The following MLF1 variants were observed in gnomAD, a reference collection of about 807,000 sequenced individuals.
MLF1 encodes myelodysplasia-myeloid leukemia factor 1.
In MLF1, 37 loss-of-function variants were observed where a neutral mutation model predicts 38.3. That is an observed-to-expected ratio of 0.96 (90% confidence interval 0.74 to 1.27). The LOEUF (loss-of-function observed/expected upper bound fraction) is 1.27, where lower values mean the gene tolerates loss of function less well. MLF1 is among the 50% of genes most tolerant of loss of function. The pLI, the probability that MLF1 is intolerant of heterozygous loss-of-function variation, is 0.00. For synonymous variants in MLF1, 95 were observed against 106.5 expected (o/e 0.89, Z 0.66); for missense variants, 331 against 349.2 (o/e 0.95, Z 0.42).
At chr3:158,601,524 C>T (rs1322067238) in intron 6 of MLF1, among the ~76,000 whole-genome samples, 3 of 151,764 alleles carry the variant, frequency 2.0e-5, no homozygotes, top group Non-Finnish European at 4.4e-5. Context: ...GAGCCAAGAT[C>T]GAGCCCTTGC....
At chr3:158,602,758 A>G in intron 6 of MLF1, 49 bp from the exon 7 acceptor site, 1 of 1,581,612 alleles carries the variant, frequency 6.3e-7, no homozygotes, top group South Asian at 1.1e-5. Flanking sequence ...GCAGTTACTG[A>G]CAGTTGATAC....
intron 6 of MLF1, among the ~76,000 whole-genome samples, chr3:158,601,569 C>T (rs1265319765): frequency 6.8e-6 from 1 of 146,852 alleles, no homozygotes; most frequent in Admixed American, 6.8e-5. Context: ...GACTCTGTCT[C>T]AAAAAAATAA....
intron 1 of MLF1, among the ~76,000 whole-genome samples, chr3:158,578,505 AACACACAC>A (rs112630390): frequency 1.4e-5 from 2 of 147,380 alleles, no homozygotes; most frequent in South Asian, 2.2e-4. Flanking sequence ...CATACATACA[AACACACAC>A]ACACACACAC....
At chr3:158,573,898 A>G (rs552367530) in intron 1 of MLF1, among the ~76,000 whole-genome samples, 3 of 152,216 alleles carry the variant, frequency 2.0e-5, no homozygotes, top group South Asian at 2.1e-4. Flanking sequence ...TCTGCCTCCC[A>G]GGCTCAAGCG....
intron 3 of MLF1, among the ~76,000 whole-genome samples, chr3:158,593,640 A>T (rs1175284008): frequency 1.3e-5 from 2 of 152,208 alleles, no homozygotes; most frequent in African/African-American, 2.4e-5. Flanking sequence ...TATAAAATTC[A>T]TCTTCAAAAA....
chr3:158,596,493 T>C (rs549196818), intron 3 of MLF1, among the ~76,000 whole-genome samples: 1 of 152,184 alleles, frequency 6.6e-6, no homozygotes, highest in Non-Finnish European at 1.5e-5. Context: ...AGGAAAATTA[T>C]GAAAACTATC....
At chr3:158,595,390 T>G (rs1203995082) in intron 3 of MLF1, among the ~76,000 whole-genome samples, 2 of 152,176 alleles carry the variant, frequency 1.3e-5, no homozygotes, top group Non-Finnish European at 2.9e-5. Flanking sequence ...CACTCCAGTG[T>G]GTTGGGTCAC....
At chr3:158,601,648 T>G (rs1481896276) in intron 6 of MLF1, among the ~76,000 whole-genome samples, 1 of 151,712 alleles carries the variant, frequency 6.6e-6, no homozygotes, top group Non-Finnish European at 1.5e-5. Flanking sequence ...TCCCAGCTAC[T>G]TGGGAGGCTG....
intron 5 of MLF1, 124 bp downstream of exon 5, chr3:158,598,332 G>C: frequency 1.2e-6 from 1 of 842,510 alleles, no homozygotes; most frequent in Non-Finnish European, 1.7e-6. Context: ...AGGGAGGTGT[G>C]GGGGTTGGGG....
At chr3:158,589,768 A>G (rs1717853150) in intron 1 of MLF1, among the ~76,000 whole-genome samples, 1 of 152,336 alleles carries the variant, frequency 6.6e-6, no homozygotes, top group Middle Eastern at 3.4e-3. Flanking sequence ...TCCCTGGGCT[A>G]AAATCAAGGT....
intron 3 of MLF1, 36 bp from the exon 4 acceptor site, chr3:158,596,826 C>T (rs372253295): frequency 8.7e-6 from 12 of 1,378,794 alleles, no homozygotes; most frequent in Non-Finnish European, 1.2e-5. Flanking sequence ...TGTGTTGTTA[C>T]CTACAGTTAA....
chr3:158,581,508 A>T (rs1716356500), intron 1 of MLF1, among the ~76,000 whole-genome samples: 1 of 152,174 alleles, frequency 6.6e-6, no homozygotes, highest in South Asian at 2.1e-4. Flanking sequence ...CACACTGGTG[A>T]AGTTTACAAC....
chr3:158,599,890 T>G (rs1719483366), intron 5 of MLF1, 124 bp from the exon 6 acceptor site: 1 of 355,762 alleles, frequency 2.8e-6, no homozygotes, highest in African/African-American at 2.1e-5. Context: ...AAGTTAATAG[T>G]GGAACTGAGC....
intron 7 of MLF1, among the ~76,000 whole-genome samples, chr3:158,604,804 G>A (rs565698099): frequency 6.2e-4 from 95 of 152,036 alleles, no homozygotes; most frequent in Middle Eastern, 3.4e-3. Flanking sequence ...GACTACAGGC[G>A]CGCATCACCA....
intron 1 of MLF1, among the ~76,000 whole-genome samples, chr3:158,590,273 A>G (rs79542265): frequency 4.6e-5 from 7 of 152,186 alleles, no homozygotes; most frequent in Non-Finnish European, 7.3e-5. Context: ...TAAAACTACA[A>G]TGAGATGTTA....
chr3:158,600,152 G>A lies in MLF1; in HGVS notation c.592G>A (p.Glu198Lys). The change falls in exon 6 of 8, where the codon GAG (glutamate) becomes AAG (lysine). Residue 198 changes from glutamate (E) to lysine (K), a missense_variant. Coordinates refer to ENST00000466246, the MANE Select transcript of MLF1 (RefSeq NM_001369783.1). The stretch of plus-strand genomic sequence containing the variant: ...GACTGGAGATGAAGAGGTCAACCAG[G>A]AGTTCATCAATATGAATGAAAGTAA... ...KKTGDEEVNQ[E>K]FINMNESDAH... The A allele has an allele frequency of 6.9e-7, 1 of 1,448,138 alleles. No homozygotes were observed. The highest frequency in any genetic ancestry group is 1.7e-5 in the South Asian group (1 of 58,384). 89.7% of individuals were successfully genotyped at this position (1,448,138 alleles called of 1,614,324 possible). A position where few individuals can be genotyped will look rare whatever the true frequency, so the allele number is the denominator to read the frequency against.
intron 1 of MLF1, among the ~76,000 whole-genome samples, chr3:158,579,749 G>C (rs1022640702): frequency 1.3e-5 from 2 of 152,094 alleles, no homozygotes; most frequent in African/African-American, 4.8e-5. Context: ...AGTATTTCTT[G>C]AAATACTTTT....
chr3:158,602,271 A>G (rs748286640), intron 6 of MLF1, among the ~76,000 whole-genome samples: 1 of 152,234 alleles, frequency 6.6e-6, no homozygotes, highest in Non-Finnish European at 1.5e-5. Context: ...AAGGAACATA[A>G]TATTTTAAAG....
intron 1 of MLF1, among the ~76,000 whole-genome samples, chr3:158,583,997 G>C (rs1398357845): frequency 1.3e-5 from 2 of 152,212 alleles, no homozygotes; most frequent in Admixed American, 6.5e-5. Flanking sequence ...AAAGATGCTA[G>C]AGAATGACCA....
Sources: gnomAD v4.1 joint callset for allele counts (sites outside exome capture counted in the v4.1 genomes callset) on GRCh38, gnomAD v4.1.1 for gene constraint, MANE v1.5 for transcripts, NCBI Gene and HGNC (gene_info 2026-07-23, HGNC 2026-07-21) for gene names.